SSH2: variants seen among roughly 807,000 people sequenced by gnomAD.
SSH2 encodes the protein protein phosphatase Slingshot homolog 2.
SSH2 carries 37 observed loss-of-function variants against 135.2 expected under a neutral mutation model. The ratio of observed to expected loss-of-function variants is 0.27; its 90% CI spans 0.21 to 0.36. The LOEUF is 0.36. Among genes scored for constraint, SSH2 ranks in the 10% least tolerant of loss-of-function variants. The pLI is 1.00. For synonymous variants in SSH2, 628 were observed against 646.2 expected, an observed-to-expected ratio of 0.97 and a Z score of 0.43; for missense variants, 1,408 against 1,765.3, an observed-to-expected ratio of 0.80 and a Z score of 3.63.
At chr17:29,895,206 T>C (rs1273851568) in intron 1 of SSH2, among the ~76,000 whole-genome samples, 1 of 143,380 alleles carries the variant, frequency 7.0e-6, no homozygotes, top group Non-Finnish European at 1.5e-5. Flanking sequence ...TTATATTATA[T>C]ATTATATATA....
intron 3 of SSH2, among the ~76,000 whole-genome samples, chr17:29,761,840 C>CGTGT (rs777352798): frequency 0.12 from 16,231 of 132,058 alleles, 1,140 homozygotes; most frequent in African/African-American, 0.14. Flanking sequence ...CACTCACATA[C>CGTGT]ATATGTGTGT....
At chr17:29,761,887 A>G (rs28525049) in intron 3 of SSH2, among the ~76,000 whole-genome samples, 1 of 143,600 alleles carries the variant, frequency 7.0e-6, no homozygotes, top group African/African-American at 2.7e-5. Flanking sequence ...ATATATATAT[A>G]TTTTTTTTTG....
Position 29,629,814 on chromosome 17 carries a change from T to C in SSH2, c.*1027A>G, listed in dbSNP as rs1282721391. The C allele has an allele frequency of 6.6e-6, 1 of 152,280 alleles. No individual in the cohort carries two copies. The highest frequency in any genetic ancestry group is 1.5e-5 in the Non-Finnish European group (1 of 67,988). 9.4% of individuals were successfully genotyped at this position (152,280 alleles called of 1,614,324 possible). A position where few individuals can be genotyped will look rare whatever the true frequency, so the allele number is the denominator to read the frequency against. On this transcript the variant is annotated 3_prime_UTR_variant, in exon 16 of 16. Coordinates refer to ENST00000540801, the MANE Select transcript of SSH2 (RefSeq NM_001282129.2). ...ATATAATCTATGAAATTTAAAAAAA[T>C]AGGCAGCATGGGGACAACAGCATGG...
intron 11 of SSH2, among the ~76,000 whole-genome samples, chr17:29,658,268 C>T (rs889942153): frequency 5.3e-5 from 8 of 152,064 alleles, no homozygotes; most frequent in Admixed American, 3.3e-4. Flanking sequence ...TCCCAAAGTG[C>T]TGGGATTACA....
In SSH2 at chr17:29,729,155, C is replaced by A. The variant is rs145620671; in HGVS notation, c.189-26093G>T. On this transcript the variant is annotated intron_variant, in intron 3 of 15. Coordinates refer to ENST00000540801, the MANE Select transcript of SSH2 (RefSeq NM_001282129.2). Reference sequence around the variant, plus strand: ...TACCCATCTGACAAGGGATTGATAACCAGATTAATATAAGAAGCTCAAACA... The same window carrying A: ...TACCCATCTGACAAGGGATTGATAAACAGATTAATATAAGAAGCTCAAACA... 1.4e-4 allele frequency among the ~76,000 whole-genome samples: 22 copies of A among 152,202 alleles called. No homozygotes were observed. In the East Asian group the frequency reaches 3.9e-3, roughly 27 times the overall value.
intron 2 of SSH2, among the ~76,000 whole-genome samples, chr17:29,803,788 A>G (rs2042293015): frequency 6.6e-6 from 1 of 152,236 alleles, no homozygotes; most frequent in Non-Finnish European, 1.5e-5. Flanking sequence ...AGGAGGGCAA[A>G]GCAGCTAACT....
rs142538474 is a variant in SSH2 at position 29,756,802 on chromosome 17, G to A, written c.188+37092C>T. ...CCGGAGTAGCTGGGACTACAGGTGC[G>A]TGACACCATGGCTGGCTACTTTTTT... On this transcript the variant is annotated intron_variant, in intron 3 of 15. Coordinates refer to ENST00000540801, the MANE Select transcript of SSH2 (RefSeq NM_001282129.2). Among the ~76,000 whole-genome samples the A allele has an allele frequency of 2.3e-4, 35 of 152,034 alleles. No individual in the cohort carries two copies. The South Asian group carries it at 4.6e-3, about 20-fold the overall frequency.
At chr17:29,759,655 T>C (rs1283935699) in intron 3 of SSH2, among the ~76,000 whole-genome samples, 1 of 152,228 alleles carries the variant, frequency 6.6e-6, no homozygotes, top group Non-Finnish European at 1.5e-5. Flanking sequence ...GTACCTCATA[T>C]AAATGAAATC....
chr17:29,871,810 G>A (rs1285319484), intron 1 of SSH2, among the ~76,000 whole-genome samples: 1 of 152,068 alleles, frequency 6.6e-6, no homozygotes, highest in Non-Finnish European at 1.5e-5. Flanking sequence ...ATGACATTGT[G>A]TCAAAAATCT....
At chr17:29,700,063 T>C (rs2038914375) in intron 4 of SSH2, among the ~76,000 whole-genome samples, 1 of 152,180 alleles carries the variant, frequency 6.6e-6, no homozygotes. Context: ...GGGCAGCCAC[T>C]AAAACAGCCG....
Position 29,631,677 on chromosome 17 carries a change from G to T in SSH2, c.3517C>A (p.Gln1173Lys). The change falls in exon 16 of 16, where the codon CAG becomes AAG. Residue 1173 changes from glutamine to lysine, a missense_variant. By Grantham distance (53) the Gln-to-Lys change is moderately conservative. Coordinates refer to ENST00000540801, the MANE Select transcript of SSH2 (RefSeq NM_001282129.2). ...GAGGGCTCATCTGTAGTGCTGCTCTGCTCTGTGAAGCCCTCCAGGTGAACC... is the reference window on the plus strand; with the variant it reads ...GAGGGCTCATCTGTAGTGCTGCTCTTCTCTGTGAAGCCCTCCAGGTGAACC... ...TMVHLEGFTE[Q>K]SSTTDEPSAE... 1 of 1,614,206 alleles carries T rather than the reference G, an allele frequency of 6.2e-7. No homozygotes were observed. The highest frequency in any genetic ancestry group is 8.5e-7 in the Non-Finnish European group (1 of 1,180,038).
At chr17:29,768,480 C>T (rs2041499579) in intron 3 of SSH2, among the ~76,000 whole-genome samples, 1 of 151,988 alleles carries the variant, frequency 6.6e-6, no homozygotes. Context: ...CCATGTTGCC[C>T]AGGCTGGTTT....
intron 11 of SSH2, among the ~76,000 whole-genome samples, chr17:29,661,716 A>T (rs2037050468): frequency 6.6e-6 from 1 of 152,222 alleles, no homozygotes; most frequent in Admixed American, 6.5e-5. Context: ...AGAAATCTAA[A>T]TCCTTCGTGG....
At chr17:29,771,347 C>A (rs369139919) in intron 3 of SSH2, among the ~76,000 whole-genome samples, 2 of 152,224 alleles carry the variant, frequency 1.3e-5, no homozygotes, top group Admixed American at 1.3e-4. Context: ...CAGTGCTATG[C>A]AGGTCATAAG....
intron 2 of SSH2, among the ~76,000 whole-genome samples, chr17:29,824,344 A>T (rs2042706625): frequency 6.6e-6 from 1 of 152,196 alleles, no homozygotes. Flanking sequence ...CTCTCAGGCT[A>T]ATATGGCATC....
chr17:29,677,611 G>A, intron 7 of SSH2, 62 bp downstream of exon 7: 2 of 1,345,720 alleles, frequency 1.5e-6, no homozygotes, highest in Non-Finnish European at 2.1e-6. Flanking sequence ...GAATGAATGT[G>A]CAGTAAGATG....
At chr17:29,779,728 G>T (rs1879342206) in intron 3 of SSH2, among the ~76,000 whole-genome samples, 1 of 136,440 alleles carries the variant, frequency 7.3e-6, no homozygotes, top group Non-Finnish European at 1.5e-5. Context: ...TGAGGCAGGA[G>T]AATTGCTTGA....
At chr17:29,824,439 T>G (rs1041742433) in intron 2 of SSH2, among the ~76,000 whole-genome samples, 9 of 152,124 alleles carry the variant, frequency 5.9e-5, no homozygotes, top group Admixed American at 5.2e-4. Flanking sequence ...TCTTTTTAAG[T>G]GCAAGGAAAA....
intron 6 of SSH2, among the ~76,000 whole-genome samples, chr17:29,678,097 T>C (rs1378891693): frequency 6.6e-6 from 1 of 151,224 alleles, no homozygotes; most frequent in Non-Finnish European, 1.5e-5. Flanking sequence ...CCAAGGATTT[T>C]TTTTTTTTTT....
Sources: gnomAD v4.1 joint callset for allele counts (sites outside exome capture counted in the v4.1 genomes callset) on GRCh38, gnomAD v4.1.1 for gene constraint, MANE v1.5 for transcripts, NCBI Gene and HGNC (gene_info 2026-07-23, HGNC 2026-07-21) for gene names.